MANBA: variants seen among roughly 807,000 people sequenced by gnomAD.
MANBA encodes beta-mannosidase.
MANBA carries 83 observed loss-of-function variants against 111.1 expected under a neutral mutation model. That is an observed-to-expected ratio of 0.75 (90% CI 0.63 to 0.90). The LOEUF is 0.90. Among genes scored for constraint, MANBA ranks in the 40% least tolerant of loss-of-function variants. The pLI, the probability that MANBA is intolerant of heterozygous loss-of-function variation, is 0.00. For synonymous variants in MANBA, 370 were observed against 378.7 expected (o/e 0.98, Z 0.27); for missense variants, 1,036 against 1,069.0 (o/e 0.97, Z 0.43).
intron 7 of MANBA, among the ~76,000 whole-genome samples, chr4:102,680,357 A>G (rs1731906859): frequency 6.6e-6 from 1 of 152,244 alleles, no homozygotes; most frequent in Admixed American, 6.5e-5. Flanking sequence ...AGATAATTCC[A>G]GAGAGAAAAC....
chr4:102,696,745 T>C (rs1732727146), intron 5 of MANBA, among the ~76,000 whole-genome samples: 1 of 152,144 alleles, frequency 6.6e-6, no homozygotes, highest in Admixed American at 6.6e-5. Context: ...AGCTCCCCCT[T>C]TTGCAGGCTC....
At chr4:102,677,764 C>A (rs1476896640) in intron 7 of MANBA, among the ~76,000 whole-genome samples, 1 of 152,214 alleles carries the variant, frequency 6.6e-6, no homozygotes, top group Admixed American at 6.5e-5. Flanking sequence ...CCTTTGTCTC[C>A]TACTAAACAA....
chr4:102,706,498 T>C (rs575375320), intron 5 of MANBA, among the ~76,000 whole-genome samples: 15 of 152,210 alleles, frequency 9.9e-5, no homozygotes, highest in African/African-American at 3.1e-4. Flanking sequence ...TTAGAAGAAG[T>C]GGTTGTTATA....
intron 7 of MANBA, among the ~76,000 whole-genome samples, chr4:102,682,481 G>T (rs1732031177): frequency 6.6e-6 from 1 of 152,138 alleles, no homozygotes; most frequent in Non-Finnish European, 1.5e-5. Context: ...AGAAGTCACT[G>T]CCTATAGCCA....
intron 4 of MANBA, among the ~76,000 whole-genome samples, chr4:102,718,843 C>A (rs922445811): frequency 6.6e-6 from 1 of 152,268 alleles, no homozygotes. Context: ...GTGATGACGA[C>A]CCCAAGCCAC....
intron 4 of MANBA, among the ~76,000 whole-genome samples, chr4:102,721,971 G>A (rs223501): frequency 0.28 from 42,172 of 149,680 alleles, 6,237 homozygotes; most frequent in African/African-American, 0.37. Flanking sequence ...TGGAGGCTGC[G>A]GTGAGTTGTG....
chr4:102,745,189 T>A (rs1275626237), intron 1 of MANBA, among the ~76,000 whole-genome samples: 1 of 152,176 alleles, frequency 6.6e-6, no homozygotes, highest in African/African-American at 2.4e-5. Flanking sequence ...CCCCAAAATG[T>A]CTGATCATTT....
chr4:102,655,950 C>A (rs1190158962), intron 12 of MANBA, among the ~76,000 whole-genome samples: 2 of 151,914 alleles, frequency 1.3e-5, no homozygotes, highest in Non-Finnish European at 2.9e-5. Context: ...AAAATAAAGA[C>A]AAATAATTTT....
At chr4:102,664,656 A>C in intron 11 of MANBA, 29 bp downstream of exon 11, 2 of 1,586,440 alleles carry the variant, frequency 1.3e-6, no homozygotes, top group Non-Finnish European at 1.7e-6. Context: ...ACATTCTTAA[A>C]TTCTACTGCA....
At chr4:102,729,078 C>T in intron 1 of MANBA, 1 of 762,168 alleles carries the variant, frequency 1.3e-6, no homozygotes. Flanking sequence ...CATGCCATGT[C>T]CTGCTTGGCC....
chr4:102,703,006 A>G (rs1325723902), intron 5 of MANBA, among the ~76,000 whole-genome samples: 1 of 152,244 alleles, frequency 6.6e-6, no homozygotes, highest in African/African-American at 2.4e-5. Flanking sequence ...TACTGCATAT[A>G]CATATATATA....
In MANBA at chr4:102,725,777, T is replaced by C. The variant is rs570096204; in HGVS notation, c.272+812A>G. On this transcript the variant is annotated intron_variant, in intron 2 of 16. Transcript: ENST00000647097. ...ATGGAAGGGGCCAAACCAAGAGAAA[T>C]GTTAAACAAAAATTTGCAAGACCCA... Among the ~76,000 whole-genome samples, 58 of 152,020 alleles carry C rather than the reference T, an allele frequency of 3.8e-4. 1 individual carries two copies. Among genetic ancestry groups the C allele is most frequent in the Middle Eastern group, 3.4e-3 (1 of 294 alleles).
At chr4:102,676,903 T>C (rs891744046) in intron 7 of MANBA, among the ~76,000 whole-genome samples, 1 of 146,570 alleles carries the variant, frequency 6.8e-6, no homozygotes, top group South Asian at 2.2e-4. Context: ...TTCACCTTCA[T>C]GCATTAGCAG....
intron 5 of MANBA, among the ~76,000 whole-genome samples, chr4:102,697,163 T>C (rs901514605): frequency 6.6e-6 from 1 of 152,020 alleles, no homozygotes; most frequent in African/African-American, 2.4e-5. Context: ...AGGAGACTAA[T>C]CACAGGAAAA....
intron 1 of MANBA, among the ~76,000 whole-genome samples, chr4:102,736,999 G>T (rs1357987744): frequency 6.6e-6 from 1 of 152,150 alleles, no homozygotes; most frequent in Non-Finnish European, 1.5e-5. Flanking sequence ...GAGCTGAAAT[G>T]GATTTCAGGA....
At chr4:102,640,893 T>C (rs996944605) in intron 13 of MANBA, among the ~76,000 whole-genome samples, 2 of 151,994 alleles carry the variant, frequency 1.3e-5, no homozygotes, top group South Asian at 2.1e-4. Flanking sequence ...CCAGAAGAAA[T>C]TGTGGTCAGT....
In MANBA at chr4:102,722,940, G is replaced by A. The variant is rs758422807; in HGVS notation, c.480C>T (p.Arg160=). ...GAGGGCAGTCTGGGGGAACCTGGTA[G>A]CGAGTGTGAGCTTTGCTCTGCTGTG... is the stretch of plus-strand genomic sequence containing the variant. ...YAAQQSKAHT[R]YQVPPDCPPL... The change falls in exon 4 of 17, where the codon CGC becomes CGT. Residue 160 remains arginine (R), a synonymous_variant. Coordinates refer to ENST00000647097, the MANE Select transcript of MANBA (RefSeq NM_005908.4). 1.2e-6 allele frequency: 2 copies of A among 1,614,016 alleles called. No homozygotes were observed. The highest frequency in any genetic ancestry group is 1.3e-5 in the African/African-American group (1 of 74,946).
At chr4:102,657,955 G>GT in intron 11 of MANBA, 55 bp from the exon 12 acceptor site, 1 of 1,281,042 alleles carries the variant, frequency 7.8e-7, no homozygotes, top group Non-Finnish European at 1.1e-6. Context: ...TGTAAAGTAT[G>GT]TATCATTTAC....
At chr4:102,728,123 T>A in intron 1 of MANBA, 1 of 537,712 alleles carries the variant, frequency 1.9e-6, no homozygotes, top group East Asian at 5.3e-5. Context: ...ATGCTCTTGG[T>A]TGAACGAAGG....
Sources: gnomAD v4.1 joint callset for allele counts (sites outside exome capture counted in the v4.1 genomes callset) on GRCh38, gnomAD v4.1.1 for gene constraint, MANE v1.5 for transcripts, NCBI Gene and HGNC (gene_info 2026-07-23, HGNC 2026-07-21) for gene names.